The following RFX3 variants were observed in gnomAD, a reference collection of about 807,000 sequenced individuals.
The protein encoded by RFX3 is transcription factor RFX3.
RFX3 carries 14 observed loss-of-function variants against 98.6 expected under a neutral mutation model. The ratio of observed to expected loss-of-function variants is 0.14; its 90% confidence interval spans 0.09 to 0.22. RFX3 has a LOEUF of 0.22. RFX3 is among the 10% of genes least tolerant of loss of function. The probability of loss-of-function intolerance (pLI) is 1.00; values close to 1 mark genes in which losing one functional copy is unlikely to be tolerated. For synonymous variants in RFX3, 383 were observed against 328.4 expected (o/e 1.17, Z -1.80); for missense variants, 639 against 926.9 (o/e 0.69, Z 4.03).
intron 5 of RFX3, among the ~76,000 whole-genome samples, chr9:3,297,109 G>A (rs1164334858): frequency 1.3e-5 from 2 of 152,050 alleles, no homozygotes; most frequent in African/African-American, 4.8e-5. Context: ...CTACCCAAGG[G>A]AAGTTAATGC....
At chr9:3,423,971 C>G (rs1843706871) in intron 1 of RFX3, among the ~76,000 whole-genome samples, 1 of 151,500 alleles carries the variant, frequency 6.6e-6, no homozygotes, top group Non-Finnish European at 1.5e-5. Flanking sequence ...CATGGTGAAA[C>G]CCCGTCTGTA....
At chr9:3,505,389 A>AAATATAAAATAAAATACTTTATATTT (rs1816947572) in intron 1 of RFX3, among the ~76,000 whole-genome samples, 1 of 3,436 alleles carries the variant, frequency 2.9e-4, no homozygotes, top group Non-Finnish European at 4.9e-4. Flanking sequence ...ATATTTATAT[A>AAATATAAAATAAAATACTTTATATTT]ATATAAAATA....
intron 1 of RFX3, among the ~76,000 whole-genome samples, chr9:3,456,536 T>C (rs1057051924): frequency 1.3e-5 from 2 of 152,112 alleles, no homozygotes; most frequent in South Asian, 2.1e-4. Flanking sequence ...AAATGATTAA[T>C]AGAACAAAGT....
chr9:3,416,380 G>A (rs538457267), intron 1 of RFX3, among the ~76,000 whole-genome samples: 9 of 152,166 alleles, frequency 5.9e-5, no homozygotes, highest in Admixed American at 1.3e-4. Context: ...ACCTAAAGAC[G>A]GGTATTCATT....
intron 2 of RFX3, among the ~76,000 whole-genome samples, chr9:3,361,625 C>G (rs999192213): frequency 7.2e-6 from 1 of 139,720 alleles, no homozygotes; most frequent in African/African-American, 2.7e-5. Flanking sequence ...AGGTCAAGAC[C>G]AGCCTGAGAA....
Position 3,218,536 on chromosome 9 carries a change from T to A in RFX3, c.*6506A>T, listed in dbSNP as rs1446834735. The A allele has an allele frequency of 6.6e-6, 1 of 152,158 alleles. No individual in the cohort carries two copies. The highest frequency in any genetic ancestry group is 1.5e-5 in the Non-Finnish European group (1 of 68,012). 9.4% of individuals were successfully genotyped at this position (152,158 alleles called of 1,614,324 possible). A position where few individuals can be genotyped will look rare whatever the true frequency, so the allele number is the denominator to read the frequency against. On this transcript the variant is annotated 3_prime_UTR_variant, in exon 17 of 17. Transcript: ENST00000617270. ...ACAATACAAATCGCCCACAAACTATTATTTAGCTCCTGCCAATTTTGAGAG... is the reference window on the plus strand; with the variant it reads ...ACAATACAAATCGCCCACAAACTATAATTTAGCTCCTGCCAATTTTGAGAG...
intron 16 of RFX3, among the ~76,000 whole-genome samples, chr9:3,226,952 G>T (rs1339641077): frequency 6.6e-6 from 1 of 152,056 alleles, no homozygotes; most frequent in East Asian, 1.9e-4. Context: ...TCAAGAATAA[G>T]AATTCTCATT....
At chr9:3,307,491 TG>T in intron 4 of RFX3, among the ~76,000 whole-genome samples, 1 of 152,136 alleles carries the variant, frequency 6.6e-6, no homozygotes. Flanking sequence ...GGTGAGAAAC[TG>T]GTGATAACAC....
intron 7 of RFX3, among the ~76,000 whole-genome samples, chr9:3,285,423 A>G (rs1826460448): frequency 6.6e-6 from 1 of 151,778 alleles, no homozygotes; most frequent in Non-Finnish European, 1.5e-5. Flanking sequence ...ACTGTTTTCA[A>G]CAAATATTCT....
intron 4 of RFX3, among the ~76,000 whole-genome samples, chr9:3,309,110 A>G (rs1829669539): frequency 6.6e-6 from 1 of 152,184 alleles, no homozygotes; most frequent in Admixed American, 6.6e-5. Flanking sequence ...AGAAAAATGC[A>G]TAGATTCTGT....
At chr9:3,471,671 G>A (rs895455761) in intron 1 of RFX3, among the ~76,000 whole-genome samples, 1 of 152,142 alleles carries the variant, frequency 6.6e-6, no homozygotes, top group South Asian at 2.1e-4. Context: ...CCCAGATTTT[G>A]AATGATCAAG....
chr9:3,442,313 G>A (rs896397524), intron 1 of RFX3, among the ~76,000 whole-genome samples: 1 of 152,056 alleles, frequency 6.6e-6, no homozygotes. Flanking sequence ...ACCATATGAT[G>A]TGATGAGAAA....
At chr9:3,264,829 G>C (rs1055513978) in intron 12 of RFX3, among the ~76,000 whole-genome samples, 3 of 152,166 alleles carry the variant, frequency 2.0e-5, no homozygotes. Flanking sequence ...CTACTGTGGT[G>C]AATCATTCAA....
In RFX3 at chr9:3,274,837, G is replaced by C. The variant is rs571792646; in HGVS notation, c.1086+663C>G. 4.6e-4 allele frequency among the ~76,000 whole-genome samples: 70 copies of C among 150,718 alleles called. 2 individuals carry two copies. Among genetic ancestry groups the C allele is most frequent in the African/African-American group, 1.5e-3 (63 of 40,954 alleles). ...CATTTTCTTGTTCTTTCTCCTTCTG[G>C]ATATATATATATCCATATATAGATA... On this transcript the variant is annotated intron_variant, in intron 9 of 16. Coordinates refer to ENST00000617270, the MANE Select transcript of RFX3 (RefSeq NM_001282116.2).
At chr9:3,394,069 T>C (rs1840596537) in intron 2 of RFX3, among the ~76,000 whole-genome samples, 1 of 152,186 alleles carries the variant, frequency 6.6e-6, no homozygotes, top group Non-Finnish European at 1.5e-5. Context: ...ATCAAAACTA[T>C]ATATAGTTCA....
intron 1 of RFX3, among the ~76,000 whole-genome samples, chr9:3,414,383 A>G (rs1842707861): frequency 6.6e-6 from 1 of 152,000 alleles, no homozygotes; most frequent in African/African-American, 2.4e-5. Context: ...AGAAATTAAA[A>G]ACACAATAGA....
chr9:3,375,246 G>C (rs576126839), intron 2 of RFX3, among the ~76,000 whole-genome samples: 236 of 152,266 alleles, frequency 1.5e-3, no homozygotes, highest in African/African-American at 5.5e-3. Flanking sequence ...CTCCCAGTCA[G>C]AATTATAGGA....
At chr9:3,398,167 G>C (rs1035955045) in intron 1 of RFX3, among the ~76,000 whole-genome samples, 1 of 152,064 alleles carries the variant, frequency 6.6e-6, no homozygotes, top group Non-Finnish European at 1.5e-5. Context: ...CCAGCATTAA[G>C]ACCACAGAAA....
intron 4 of RFX3, among the ~76,000 whole-genome samples, chr9:3,329,660 G>T (rs1832362289): frequency 6.6e-6 from 1 of 151,958 alleles, no homozygotes; most frequent in African/African-American, 2.4e-5. Context: ...TTTAAATATT[G>T]ATTTCAATAT....
Sources: gnomAD v4.1 joint callset for allele counts (sites outside exome capture counted in the v4.1 genomes callset) on GRCh38, gnomAD v4.1.1 for gene constraint, MANE v1.5 for transcripts, NCBI Gene and HGNC (gene_info 2026-07-23, HGNC 2026-07-21) for gene names.